The following SNX5 variants were observed in gnomAD, a reference collection of about 807,000 sequenced individuals.
SNX5 encodes the protein sorting nexin 5.
Under a neutral mutation model 53.9 loss-of-function variants are expected in SNX5, and 31 were observed. The observed-to-expected ratio is 0.58, with a 90% CI of 0.43 to 0.78. SNX5 has a LOEUF of 0.78. Ranked by LOEUF, SNX5 falls within the 30% of genes least tolerant of loss-of-function variation. The probability of loss-of-function intolerance (pLI) is 0.00; values close to 1 mark genes in which losing one functional copy is unlikely to be tolerated. For synonymous variants in SNX5, 168 were observed against 171.1 expected (o/e 0.98, Z 0.14); for missense variants, 471 against 478.8 (o/e 0.98, Z 0.15).
intron 1 of SNX5, among the ~76,000 whole-genome samples, chr20:17,967,467 G>A (rs1163423599): frequency 6.6e-6 from 1 of 152,184 alleles, no homozygotes; most frequent in African/African-American, 2.4e-5. Flanking sequence ...CTTACTAGAT[G>A]AACAAGTTTC....
In SNX5 at chr20:17,947,635, T is replaced by C; in HGVS notation, c.929A>G (p.Tyr310Cys). 1.2e-6 allele frequency: 2 copies of C among 1,610,608 alleles called. No homozygotes were observed. The highest frequency in any genetic ancestry group is 1.7e-6 in the Non-Finnish European group (2 of 1,178,988). ...GTCAATGAGGGCTTTGGTGCGTCTGTATAAGAGATCCTGGGAAAAAAATTA... is the reference window on the plus strand; with the variant it reads ...GTCAATGAGGGCTTTGGTGCGTCTGCATAAGAGATCCTGGGAAAAAAATTA... ...LNIEAAKDLL[Y>C]RRTKALIDYE... is the part of the protein sequence containing the mutation. The change falls in exon 11 of 13, where the codon TAC (tyrosine) becomes TGC (cysteine). Residue 310 changes from tyrosine to cysteine, a missense_variant. Transcript: ENST00000377759.
chr20:17,945,894 A>T (rs1274770403), intron 11 of SNX5, among the ~76,000 whole-genome samples: 1 of 152,232 alleles, frequency 6.6e-6, no homozygotes, highest in Non-Finnish European at 1.5e-5. Context: ...GGGAAACAAG[A>T]AAGTTAGGAA....
At chr20:17,951,367 A>G (rs773350040) in intron 6 of SNX5, 133 bp downstream of exon 6, 4 of 630,630 alleles carry the variant, frequency 6.3e-6, no homozygotes, top group Non-Finnish European at 1.1e-5. Context: ...GATGAAAATT[A>G]CCAAAATCTG....
At chr20:17,957,549 C>T (rs1019241368) in intron 1 of SNX5, among the ~76,000 whole-genome samples, 3 of 152,044 alleles carry the variant, frequency 2.0e-5, no homozygotes, top group South Asian at 2.1e-4. Flanking sequence ...TTGGTATATC[C>T]GAAGTATTCC....
intron 1 of SNX5, chr20:17,961,640 T>C (rs1049737912): frequency 2.0e-6 from 2 of 984,402 alleles, no homozygotes; most frequent in Admixed American, 6.1e-5. Context: ...TCTATTTAAA[T>C]GACTTCCTAG....
At position 17,968,536 on chromosome 20, in the gene SNX5, G is replaced by A. The variant is rs968686651; in HGVS notation, c.-111C>T. 243 of 1,046,498 alleles carry A rather than the reference G, an allele frequency of 2.3e-4. 1 individual carries two copies. Among genetic ancestry groups the A allele is most frequent in the Non-Finnish European group, 3.0e-4 (232 of 771,372 alleles). 64.8% of individuals were successfully genotyped at this position (1,046,498 alleles called of 1,614,324 possible). On this transcript the variant is annotated 5_prime_UTR_variant, in exon 1 of 13. Transcript: ENST00000377759. ...CGGGGGCGGCCACGGCCCCGCCTCC[G>A]CCGGCCTCCCTGCCCGACGGCGGCA...
chr20:17,953,971 G>T, intron 4 of SNX5, 25 bp downstream of exon 4: 1 of 1,589,860 alleles, frequency 6.3e-7, no homozygotes, highest in South Asian at 1.1e-5. Context: ...TCAAAAGACA[G>T]AGCCCACCAG....
chr20:17,956,673 CAAAA>C (rs59252584), intron 2 of SNX5, among the ~76,000 whole-genome samples: 1,028 of 84,762 alleles, frequency 0.012, 14 homozygotes, highest in African/African-American at 0.044. Context: ...AGACTGTCTC[CAAAA>C]AAAAAAAAAA....
intron 1 of SNX5, among the ~76,000 whole-genome samples, chr20:17,965,311 A>G (rs1160791418): frequency 1.3e-5 from 2 of 152,218 alleles, no homozygotes; most frequent in South Asian, 2.1e-4. Flanking sequence ...TCAGGCTAAA[A>G]TGTCAACAGT....
chr20:17,951,682 C>T (rs1485905381), intron 5 of SNX5, 87 bp from the exon 6 acceptor site: 3 of 912,214 alleles, frequency 3.3e-6, no homozygotes, highest in Non-Finnish European at 3.6e-6. Context: ...TTTAAGTAAT[C>T]CTCTTTATCA....
At chr20:17,954,732 A>G (rs2035324763) in intron 3 of SNX5, among the ~76,000 whole-genome samples, 1 of 152,106 alleles carries the variant, frequency 6.6e-6, no homozygotes, top group Non-Finnish European at 1.5e-5. Flanking sequence ...TTTTTGGGAG[A>G]AAGAGTCTCG....
At chr20:17,966,384 CAAA>C (rs57885295) in intron 1 of SNX5, among the ~76,000 whole-genome samples, 2,198 of 125,596 alleles carry the variant, frequency 0.018, 44 homozygotes, top group Admixed American at 0.054. Flanking sequence ...GACTCCGTCT[CAAA>C]AAAAAAAAAA....
chr20:17,958,866 T>TA (rs1396775682), intron 1 of SNX5, among the ~76,000 whole-genome samples: 1 of 152,156 alleles, frequency 6.6e-6, no homozygotes, highest in African/African-American at 2.4e-5. Context: ...GCAGAGGCTA[T>TA]ACCAACGACT....
intron 11 of SNX5, chr20:17,947,198 C>T (rs1035306157): frequency 3.9e-5 from 13 of 333,468 alleles, no homozygotes; most frequent in Non-Finnish European, 6.1e-5. Context: ...TGTAACCATA[C>T]AAGAGAATGT....
chr20:17,963,224 A>G (rs1770546232), intron 1 of SNX5, among the ~76,000 whole-genome samples: 2 of 152,218 alleles, frequency 1.3e-5, no homozygotes, highest in African/African-American at 4.8e-5. Flanking sequence ...TCTTGTCTGT[A>G]ATCCCAGCAC....
rs560181841 is a variant in SNX5 at position 17,951,181 on chromosome 20, A to AGTGTAGTTCT, written c.609+309_609+318dup. 1.9e-3 allele frequency: 422 copies of AGTGTAGTTCT among 225,504 alleles called. 4 individuals carry two copies. Among genetic ancestry groups the AGTGTAGTTCT allele is most frequent in the African/African-American group, 9.1e-3 (404 of 44,472 alleles). 14.0% of individuals were successfully genotyped at this position (225,504 alleles called of 1,614,324 possible). Reference sequence around the variant, plus strand: ...CCTGTAGTTGGTGACCAAACTGGACAGTGTAGTTCTGAGAGTGGGATAAAA... The same window carrying AGTGTAGTTCT: ...CCTGTAGTTGGTGACCAAACTGGACAGTGTAGTTCTGTGTAGTTCTGAGAGTGGGATAAAA... On this transcript the variant is annotated intron_variant, in intron 6 of 12. Coordinates refer to ENST00000377759, the MANE Select transcript of SNX5 (RefSeq NM_014426.4).
chr20:17,945,585 T>A (rs1395142178), intron 11 of SNX5: 1 of 151,870 alleles, frequency 6.6e-6, no homozygotes, highest in Non-Finnish European at 1.5e-5. Context: ...TCAGTAGTTT[T>A]GAAGTGTGTA....
chr20:17,945,921 T>C (rs1453343646), intron 11 of SNX5, among the ~76,000 whole-genome samples: 1 of 152,170 alleles, frequency 6.6e-6, no homozygotes, highest in African/African-American at 2.4e-5. Context: ...AAGTAAGATA[T>C]GAATTTTTCA....
intron 4 of SNX5, 78 bp downstream of exon 4, chr20:17,953,918 G>T: frequency 1.6e-6 from 2 of 1,272,956 alleles, no homozygotes; most frequent in South Asian, 1.3e-5. Context: ...ATTAAGTCAG[G>T]TTCTTCTACT....
Sources: allele counts gnomAD v4.1 joint callset (sites outside exome capture counted in the v4.1 genomes callset), GRCh38; gene constraint gnomAD v4.1.1; transcripts MANE v1.5; gene names NCBI Gene and HGNC (gene_info 2026-07-23, HGNC 2026-07-21).